The following OPCML variants were observed in gnomAD, a reference collection of about 807,000 sequenced individuals.
OPCML encodes opioid binding protein/cell adhesion molecule like.
A neutral mutation model predicts 37.8 loss-of-function variants in OPCML; 13 were observed. That is an observed-to-expected ratio of 0.34 (90% CI 0.22 to 0.55). OPCML has a LOEUF of 0.55. Ranked by LOEUF, OPCML falls within the 20% of genes least tolerant of loss-of-function variation. The probability of loss-of-function intolerance (pLI) is 0.91; values close to 1 mark genes in which losing one functional copy is unlikely to be tolerated. For missense variants in OPCML, 341 were observed against 435.6 expected, an observed-to-expected ratio of 0.78 and a Z score of 1.93; for synonymous variants, 176 against 168.8, an observed-to-expected ratio of 1.04 and a Z score of -0.33.
intron 1 of OPCML, among the ~76,000 whole-genome samples, chr11:133,343,055 C>G (rs750875898): frequency 1.1e-4 from 17 of 152,260 alleles, no homozygotes; most frequent in Non-Finnish European, 1.9e-4. Context: ...CCTTGACCTC[C>G]TAGCCTCAAA....
intron 1 of OPCML, among the ~76,000 whole-genome samples, chr11:133,484,075 TAGATA>T (rs1565660054): frequency 0.024 from 3,571 of 147,588 alleles, 170 homozygotes; most frequent in African/African-American, 0.089. Flanking sequence ...GATAGATAGA[TAGATA>T]GATTCATAGA....
At chr11:133,167,731 A>T (rs1213543128) in intron 1 of OPCML, among the ~76,000 whole-genome samples, 2 of 152,032 alleles carry the variant, frequency 1.3e-5, no homozygotes, top group Non-Finnish European at 2.9e-5. Context: ...TGCAGCACAG[A>T]CAGACCTTTC....
intron 2 of OPCML, among the ~76,000 whole-genome samples, chr11:132,793,821 A>C (rs1938111267): frequency 6.6e-6 from 1 of 151,936 alleles, no homozygotes; most frequent in Non-Finnish European, 1.5e-5. Flanking sequence ...CGCACTAACG[A>C]TTTCCTACCT....
intron 2 of OPCML, among the ~76,000 whole-genome samples, chr11:132,747,344 G>A (rs1249330130): frequency 1.3e-5 from 2 of 152,294 alleles, no homozygotes; most frequent in African/African-American, 4.8e-5. Flanking sequence ...AGGCTCAGGT[G>A]AAGCACAGTG....
chr11:133,182,853 T>C (rs558760947), intron 1 of OPCML, among the ~76,000 whole-genome samples: 1 of 152,274 alleles, frequency 6.6e-6, no homozygotes, highest in South Asian at 2.1e-4. Flanking sequence ...CCGTCATAGA[T>C]GCCTGTTCTC....
chr11:133,064,727 T>C (rs775964893), intron 1 of OPCML: 1 of 151,300 alleles, frequency 6.6e-6, no homozygotes, highest in African/African-American at 2.4e-5. Flanking sequence ...AAGGCTGAGG[T>C]CTCCTCTGCC....
chr11:133,084,183 G>A (rs1019974129), intron 1 of OPCML, among the ~76,000 whole-genome samples: 3 of 152,106 alleles, frequency 2.0e-5, no homozygotes, highest in Non-Finnish European at 4.4e-5. Flanking sequence ...GTAACTAATG[G>A]TAATAGCTCC....
intron 2 of OPCML, among the ~76,000 whole-genome samples, chr11:132,695,907 T>C (rs1464595629): frequency 6.6e-6 from 1 of 151,924 alleles, no homozygotes; most frequent in African/African-American, 2.4e-5. Context: ...TCAGACAGAA[T>C]TCGGAGTGGC....
chr11:133,396,825 A>C (rs1945296500), intron 1 of OPCML, among the ~76,000 whole-genome samples: 1 of 151,900 alleles, frequency 6.6e-6, no homozygotes, highest in Non-Finnish European at 1.5e-5. Context: ...CCTTTATAAA[A>C]CCTTTTCTGA....
At chr11:133,178,158 A>C (rs1253274372) in intron 1 of OPCML, among the ~76,000 whole-genome samples, 1 of 152,126 alleles carries the variant, frequency 6.6e-6, no homozygotes, top group South Asian at 2.1e-4. Flanking sequence ...ATGCAATATC[A>C]CTGGGCCTGA....
At chr11:133,058,322 C>A (rs1301487426) in intron 1 of OPCML, among the ~76,000 whole-genome samples, 1 of 152,038 alleles carries the variant, frequency 6.6e-6, no homozygotes, top group Non-Finnish European at 1.5e-5. Context: ...AAGAAAGTAG[C>A]AAAAGGAGAG....
intron 1 of OPCML, among the ~76,000 whole-genome samples, chr11:133,352,762 G>T (rs762573690): frequency 4.6e-5 from 7 of 152,130 alleles, no homozygotes; most frequent in African/African-American, 1.4e-4. Flanking sequence ...AGTAAAAATC[G>T]CTGTTTTCAT....
rs574097624 is a variant in OPCML at position 133,463,929 on chromosome 11, G to A, written c.61+68335C>T. On this transcript the variant is annotated intron_variant, in intron 1 of 7. Transcript: ENST00000524381. ...AATTGACCCGGGCCACATCTTCATCGGCATCTCCACATTCAACATATCTTT... is the reference window on the plus strand; with the variant it reads ...AATTGACCCGGGCCACATCTTCATCAGCATCTCCACATTCAACATATCTTT... Among the ~76,000 whole-genome samples the A allele has an allele frequency of 5.4e-4, 82 of 152,124 alleles. 1 individual carries two copies. Among genetic ancestry groups the A allele is most frequent in the African/African-American group, 1.4e-3 (58 of 41,486 alleles).
At chr11:132,773,967 G>T (rs565610583) in intron 2 of OPCML, among the ~76,000 whole-genome samples, 1 of 152,160 alleles carries the variant, frequency 6.6e-6, no homozygotes, top group Non-Finnish European at 1.5e-5. Flanking sequence ...GAGAGAAAAG[G>T]CTCTGTACTT....
chr11:133,306,116 A>C (rs1942909898), intron 1 of OPCML, among the ~76,000 whole-genome samples: 1 of 152,170 alleles, frequency 6.6e-6, no homozygotes, highest in South Asian at 2.1e-4. Flanking sequence ...TAGTGTAACC[A>C]TTCACAGCCC....
intron 1 of OPCML, among the ~76,000 whole-genome samples, chr11:133,218,804 C>A (rs1458288773): frequency 6.6e-6 from 1 of 152,118 alleles, no homozygotes; most frequent in Non-Finnish European, 1.5e-5. Context: ...TCTCAGAGGT[C>A]TTTGGAATTG....
chr11:132,681,191 TGCGGTCCCTGGCAAGGGCCCCACCC>T (rs1942925591), intron 2 of OPCML, among the ~76,000 whole-genome samples: 1 of 152,130 alleles, frequency 6.6e-6, no homozygotes, highest in Admixed American at 6.5e-5. Flanking sequence ...CAGAAAAGGG[TGCGGTCCCTGGCAAGGGCCCCACCC>T]TCAAGCCTGG....
intron 3 of OPCML, among the ~76,000 whole-genome samples, chr11:132,619,631 G>A (rs1312907136): frequency 1.4e-5 from 2 of 147,904 alleles, no homozygotes; most frequent in African/African-American, 2.5e-5. Context: ...CGAGGTCAGA[G>A]ATCAAGACCA....
intron 2 of OPCML, among the ~76,000 whole-genome samples, chr11:132,783,748 T>C (rs931034298): frequency 1.3e-5 from 2 of 152,172 alleles, no homozygotes; most frequent in African/African-American, 4.8e-5. Context: ...ATAGAATTGT[T>C]AGCTAAATGT....
Sources: allele counts gnomAD v4.1 joint callset (sites outside exome capture counted in the v4.1 genomes callset), GRCh38; gene constraint gnomAD v4.1.1; transcripts MANE v1.5; gene names NCBI Gene and HGNC (gene_info 2026-07-23, HGNC 2026-07-21).